The following UBE2U variants were observed in gnomAD, a reference collection of about 807,000 sequenced individuals.
The protein encoded by UBE2U is ubiquitin-conjugating enzyme E2 U.
UBE2U carries 39 observed loss-of-function variants against 41.2 expected under a neutral mutation model. The ratio of observed to expected loss-of-function variants is 0.95; its 90% CI spans 0.73 to 1.24. The LOEUF is 1.24. UBE2U is among the 50% of genes most tolerant of loss of function. UBE2U has a pLI of 0.00. For missense variants in UBE2U, 336 were observed against 363.1 expected (o/e 0.93, Z 0.61); for synonymous variants, 107 against 117.8 (o/e 0.91, Z 0.60).
At chr1:64,256,284 G>A (rs112299498) in intron 8 of UBE2U, among the ~76,000 whole-genome samples, 3,700 of 152,134 alleles carry the variant, frequency 0.024, 147 homozygotes, top group African/African-American at 0.085. Flanking sequence ...AAATATGTAT[G>A]GACCAAAAAA....
intron 8 of UBE2U, among the ~76,000 whole-genome samples, chr1:64,252,178 C>A (rs927335070): frequency 2.6e-5 from 4 of 152,164 alleles, no homozygotes; most frequent in Non-Finnish European, 4.4e-5. Flanking sequence ...CCAGTCCATT[C>A]CTTTTCACTA....
chr1:64,207,749 G>A (rs930337055), intron 3 of UBE2U, among the ~76,000 whole-genome samples: 1 of 152,164 alleles, frequency 6.6e-6, no homozygotes, highest in African/African-American at 2.4e-5. Flanking sequence ...GCTTGGTGAG[G>A]AAGACGTTTC....
chr1:64,263,369 T>A (rs570211355), intron 9 of UBE2U, among the ~76,000 whole-genome samples: 2 of 152,122 alleles, frequency 1.3e-5, no homozygotes, highest in Non-Finnish European at 2.9e-5. Flanking sequence ...TTTGCATGAT[T>A]TGGCTTGCTC....
chr1:64,230,528 T>C (rs1185741083), intron 6 of UBE2U, among the ~76,000 whole-genome samples: 1 of 152,212 alleles, frequency 6.6e-6, no homozygotes, highest in African/African-American at 2.4e-5. Context: ...TGTACATATG[T>C]GCACGCCATG....
chr1:64,228,672 TTCTC>T (rs1314729607), intron 6 of UBE2U, among the ~76,000 whole-genome samples: 5 of 141,852 alleles, frequency 3.5e-5, no homozygotes, highest in South Asian at 2.2e-4. Flanking sequence ...TTTCTTTTCT[TTCTC>T]TCTCTCTCTC....
intron 7 of UBE2U, among the ~76,000 whole-genome samples, chr1:64,234,707 A>T (rs1441052094): frequency 6.6e-6 from 1 of 152,228 alleles, no homozygotes; most frequent in Non-Finnish European, 1.5e-5. Flanking sequence ...CTCTATCAGT[A>T]TAAAATATTG....
At chr1:64,244,318 T>G in intron 8 of UBE2U, 1 of 979,976 alleles carries the variant, frequency 1.0e-6, no homozygotes, top group East Asian at 5.5e-5. Flanking sequence ...TCATTCGAGA[T>G]ATAAATAAAA....
intron 5 of UBE2U, 79 bp from the exon 6 acceptor site, chr1:64,220,780 G>C: frequency 9.7e-7 from 1 of 1,032,582 alleles, no homozygotes. Context: ...ATTTTATTGA[G>C]GCTTTGGAAA....
At chr1:64,232,407 T>C (rs1173106738) in intron 6 of UBE2U, among the ~76,000 whole-genome samples, 154 bp from the exon 7 acceptor site, 1 of 152,214 alleles carries the variant, frequency 6.6e-6, no homozygotes, top group African/African-American at 2.4e-5. Context: ...AATCAGTATA[T>C]TGGATACAAT....
In UBE2U at chr1:64,240,039, T is replaced by C. The variant is rs1644808841; in HGVS notation, c.596-1613T>C. The stretch of plus-strand genomic sequence containing the variant: ...CATCCTCTCCAGCACCTGTTGTTAA[T>C]CATAGTAGGTTTTTAATAAATCTTA... On this transcript the variant is annotated intron_variant, in intron 7 of 9. Coordinates refer to ENST00000371077, the MANE Select transcript of UBE2U (RefSeq NM_001366232.2). Among the ~76,000 whole-genome samples, 6 of 152,150 alleles carry C rather than the reference T, an allele frequency of 3.9e-5. No homozygotes were observed. In the South Asian group the frequency reaches 1.2e-3, roughly 32 times the overall value.
At chr1:64,224,676 T>C (rs928030439) in intron 6 of UBE2U, among the ~76,000 whole-genome samples, 2 of 151,576 alleles carry the variant, frequency 1.3e-5, no homozygotes, top group African/African-American at 2.4e-5. Flanking sequence ...TGAGCCGAGA[T>C]TGCGCCATTG....
At chr1:64,251,296 T>C (rs1016881606) in intron 8 of UBE2U, among the ~76,000 whole-genome samples, 1 of 151,888 alleles carries the variant, frequency 6.6e-6, no homozygotes, top group Non-Finnish European at 1.5e-5. Flanking sequence ...TGATAAATAA[T>C]TGTAAATAAT....
At chr1:64,234,734 G>A (rs1046161866) in intron 7 of UBE2U, among the ~76,000 whole-genome samples, 3 of 152,102 alleles carry the variant, frequency 2.0e-5, no homozygotes, top group Non-Finnish European at 4.4e-5. Context: ...TTTGATACCA[G>A]AGTACCTGAA....
At chr1:64,239,056 AGAAGAAGAAGAGGAAGAG>A (rs1188735474) in intron 7 of UBE2U, among the ~76,000 whole-genome samples, 1,807 of 65,282 alleles carry the variant, frequency 0.028, 45 homozygotes, top group South Asian at 0.044. Context: ...AAGAAGAAGA[AGAAGAAGAAGAGGAAGAG>A]GAAGAGGAAG....
chr1:64,261,404 A>G (rs1363064999), intron 9 of UBE2U, among the ~76,000 whole-genome samples: 1 of 152,128 alleles, frequency 6.6e-6, no homozygotes, highest in Non-Finnish European at 1.5e-5. Flanking sequence ...TGTATAGACA[A>G]TTTCTTTGTG....
intron 2 of UBE2U, among the ~76,000 whole-genome samples, chr1:64,206,435 A>C (rs1484518715): frequency 1.3e-5 from 2 of 151,792 alleles, no homozygotes; most frequent in African/African-American, 4.8e-5. Context: ...TAAACAGCAC[A>C]GCAAAGACTT....
At chr1:64,222,354 G>T (rs1445890726) in intron 6 of UBE2U, among the ~76,000 whole-genome samples, 2 of 152,122 alleles carry the variant, frequency 1.3e-5, no homozygotes, top group African/African-American at 4.8e-5. Context: ...ACTCTTTATG[G>T]TATAGTTATT....
intron 5 of UBE2U, among the ~76,000 whole-genome samples, chr1:64,220,644 T>C (rs1652384019): frequency 6.6e-6 from 1 of 152,204 alleles, no homozygotes; most frequent in Admixed American, 6.5e-5. Context: ...GTTTTTTTTT[T>C]CAAATTTCTA....
intron 7 of UBE2U, among the ~76,000 whole-genome samples, 190 bp from the exon 8 acceptor site, chr1:64,241,462 A>G (rs1644833125): frequency 6.6e-6 from 1 of 152,168 alleles, no homozygotes; most frequent in Non-Finnish European, 1.5e-5. Flanking sequence ...AACAATATCT[A>G]ATATTATGAT....
Sources: gnomAD v4.1 joint callset for allele counts (sites outside exome capture counted in the v4.1 genomes callset) on GRCh38, gnomAD v4.1.1 for gene constraint, MANE v1.5 for transcripts, NCBI Gene and HGNC (gene_info 2026-07-23, HGNC 2026-07-21) for gene names.